DNASE1: variants seen among roughly 807,000 people sequenced by gnomAD.
The protein encoded by DNASE1 is deoxyribonuclease-1.
In DNASE1, 40 loss-of-function variants were observed where a neutral mutation model predicts 33.9. That is an observed-to-expected ratio of 1.18 (90% CI 0.92 to 1.54). DNASE1 has a LOEUF of 1.54. DNASE1 is among the 40% of genes most tolerant of loss of function. The pLI, the probability that DNASE1 is intolerant of heterozygous loss-of-function variation, is 0.00. For synonymous variants in DNASE1, 216 were observed against 160.0 expected, an observed-to-expected ratio of 1.35 and a Z score of -2.64; for missense variants, 518 against 372.6, an observed-to-expected ratio of 1.39 and a Z score of -3.21.
chr16:3,654,327 T>C (rs545975921), upstream of DNASE1: 4 of 398,622 alleles, frequency 1.0e-5, no homozygotes, highest in Non-Finnish European at 1.8e-5. Context: ...GCGCTGGTGC[T>C]GCAGGCCCCC....
At chr16:3,644,644 A>G (rs1185366001) in intron 1 of DNASE1, among the ~76,000 whole-genome samples, 1 of 151,498 alleles carries the variant, frequency 6.6e-6, no homozygotes, top group East Asian at 2.0e-4. Flanking sequence ...CTGAGGAGGG[A>G]GTATTGCTAG....
At chr16:3,662,103 G>A (rs1381137799), downstream of DNASE1, 1 of 1,613,032 alleles carries the variant, frequency 6.2e-7, no homozygotes, top group African/African-American at 1.3e-5. Flanking sequence ...CGGTGACCAT[G>A]GCAGGGTGGG....
At chr16:3,625,061 C>T (rs2041462515) in intron 1 of DNASE1, among the ~76,000 whole-genome samples, 1 of 152,090 alleles carries the variant, frequency 6.6e-6, no homozygotes, top group Admixed American at 6.6e-5. Flanking sequence ...AATCCCAGCA[C>T]TTTGGGAGGC....
chr16:3,638,781 T>A (rs2041950461), upstream of DNASE1, among the ~76,000 whole-genome samples: 1 of 152,246 alleles, frequency 6.6e-6, no homozygotes, highest in Non-Finnish European at 1.5e-5. Context: ...ATTAGACAGC[T>A]TGATAGTGTC....
downstream of DNASE1, chr16:3,662,993 C>T (rs201686158): frequency 1.3e-6 from 2 of 1,562,394 alleles, no homozygotes; most frequent in Non-Finnish European, 8.6e-7. Flanking sequence ...CGACAGGGAG[C>T]TCAGGCCTGC....
At position 3,664,283 on chromosome 16, in the gene DNASE1, TTTC is replaced by T. The variant is rs767468375; in HGVS notation, c.*6337_*6339del. ...CCCACCGCTCACCCACCTCTGTGTC[TTTC>T]TTCTTCATGGCCTCATAGTAGGGTG... is the stretch of plus-strand genomic sequence containing the variant. On this transcript the variant is annotated 3_prime_UTR_variant, in exon 10 of 10. Coordinates refer to the DNASE1 transcript ENST00000407479. 65 of 1,583,484 alleles carry T rather than the reference TTTC, an allele frequency of 4.1e-5. No homozygotes were observed. The highest frequency in any genetic ancestry group is 1.9e-5 in the Admixed American group (1 of 54,038).
chr16:3,658,882 A>G (rs1235807425), downstream of DNASE1: 1 of 1,613,702 alleles, frequency 6.2e-7, no homozygotes, highest in Non-Finnish European at 8.5e-7. Flanking sequence ...CACAGAACCC[A>G]CCAGAAAAAG....
chr16:3,665,182 G>C (rs1324613607), exon 10 of DNASE1: 1 of 152,214 alleles, frequency 6.6e-6, no homozygotes, highest in Non-Finnish European at 1.5e-5. Flanking sequence ...GAAGATAAAG[G>C]AGAATGAAGA....
downstream of DNASE1, chr16:3,661,701 G>T: frequency 2.8e-6 from 1 of 360,604 alleles, no homozygotes; most frequent in Non-Finnish European, 5.0e-6. Context: ...GCAAAACTGA[G>T]CATGTCCAGG....
At chr16:3,612,449 C>T (rs1212041663) in intron 1 of DNASE1, among the ~76,000 whole-genome samples, 1 of 151,534 alleles carries the variant, frequency 6.6e-6, no homozygotes, top group Non-Finnish European at 1.5e-5. Context: ...CTAGGTTTCA[C>T]TCTGTTGCCC....
At chr16:3,657,616 A>T in intron 7 of DNASE1, 104 bp from the exon 8 acceptor site, 1 of 1,503,600 alleles carries the variant, frequency 6.7e-7, no homozygotes, top group Non-Finnish European at 9.1e-7. Context: ...GCACCCACAG[A>T]CCTGCACTGG....
chr16:3,643,642 C>T (rs571889491), intron 1 of DNASE1, among the ~76,000 whole-genome samples: 8 of 152,240 alleles, frequency 5.3e-5, no homozygotes, highest in Non-Finnish European at 1.2e-4. Flanking sequence ...CAACCAGGTA[C>T]ACTGGGAAAG....
upstream of DNASE1, chr16:3,653,806 C>CAAAAAAAAAAAAAAAAAAAAA (rs71133649): frequency 1.9e-4 from 7 of 37,038 alleles, 1 homozygote; most frequent in African/African-American, 4.4e-4. Flanking sequence ...GATTCCGCCT[C>CAAAAAAAAAAAAAAAAAAAAA]AAAAAAAAAA....
intron 1 of DNASE1, among the ~76,000 whole-genome samples, chr16:3,625,455 A>C (rs1403073630): frequency 6.6e-6 from 1 of 151,602 alleles, no homozygotes; most frequent in African/African-American, 2.4e-5. Flanking sequence ...CATCGCTGCA[A>C]AAAAAAAATT....
chr16:3,655,885 G>A lies in DNASE1; in HGVS notation c.184G>A (p.Val62Ile), dbSNP rs774227199. Residue 62 changes from valine (V) to isoleucine (I), a missense_variant, in exon 3 of 9, where the codon GTC (valine) becomes ATC (isoleucine). Coordinates refer to ENST00000246949, the MANE Select transcript of DNASE1 (RefSeq NM_005223.4). ...SRYDIALVQE[V>I]RDSHLTAVGK... ...CTATGACATCGCCCTGGTCCAGGAG[G>A]TCAGAGACAGCCACCTGACTGCCGT... The A allele has an allele frequency of 3.1e-6, 5 of 1,613,900 alleles. No individual in the cohort carries two copies. The Admixed American group carries it at 6.7e-5, about 22-fold the overall frequency.
intron 1 of DNASE1, among the ~76,000 whole-genome samples, chr16:3,626,171 T>C (rs1457652493): frequency 4.0e-5 from 6 of 149,292 alleles, no homozygotes; most frequent in Non-Finnish European, 7.4e-5. Flanking sequence ...ATATGCACAA[T>C]GACAAAGGAT....
At chr16:3,656,848 C>CT (rs1298159310) in intron 5 of DNASE1, 95 bp downstream of exon 5, 3 of 1,536,998 alleles carry the variant, frequency 2.0e-6, no homozygotes, top group African/African-American at 1.4e-5. Context: ...ACACACTGCC[C>CT]TCCCAGTCCC....
chr16:3,656,784 G>A (rs554690378), intron 5 of DNASE1, 31 bp downstream of exon 5: 17 of 1,575,392 alleles, frequency 1.1e-5, no homozygotes, highest in Middle Eastern at 1.7e-4. Context: ...GGTGGGGCTC[G>A]GCTTGGCGCT....
chr16:3,639,971 A>G (rs1169615633), upstream of DNASE1, among the ~76,000 whole-genome samples: 2 of 152,224 alleles, frequency 1.3e-5, no homozygotes, highest in African/African-American at 4.8e-5. Context: ...TGGGTCTGGA[A>G]TGCAGTTAAG....
Sources: allele counts gnomAD v4.1 joint callset (sites outside exome capture counted in the v4.1 genomes callset), GRCh38; gene constraint gnomAD v4.1.1; transcripts MANE v1.5; gene names NCBI Gene and HGNC (gene_info 2026-07-23, HGNC 2026-07-21).